The following ARMC8 variants were observed in gnomAD, a reference collection of about 807,000 sequenced individuals.
ARMC8 encodes the protein armadillo repeat-containing protein 8.
ARMC8 carries 20 observed loss-of-function variants against 99.3 expected under a neutral mutation model. That is an observed-to-expected ratio of 0.20 (90% CI 0.14 to 0.29). The LOEUF is 0.29. ARMC8 is among the 10% of genes least tolerant of loss of function. The pLI, the probability that ARMC8 is intolerant of heterozygous loss-of-function variation, is 1.00. For synonymous variants in ARMC8, 263 were observed against 278.3 expected (o/e 0.95, Z 0.55); for missense variants, 569 against 809.5 (o/e 0.70, Z 3.60).
chr3:138,262,438 T>G (rs2047834569), intron 12 of ARMC8: 10 of 1,338,418 alleles, frequency 7.5e-6, no homozygotes, highest in Non-Finnish European at 1.0e-5. Flanking sequence ...CCCTGATCAT[T>G]GTTAATTTCA....
At chr3:138,252,840 A>G (rs1430331346) in intron 12 of ARMC8, among the ~76,000 whole-genome samples, 2 of 148,736 alleles carry the variant, frequency 1.3e-5, no homozygotes, top group Non-Finnish European at 3.0e-5. Context: ...GTACTGGCAT[A>G]TAGAAAGAAA....
chr3:138,197,150 G>C (rs1433514038), intron 1 of ARMC8, among the ~76,000 whole-genome samples: 1 of 152,208 alleles, frequency 6.6e-6, no homozygotes, highest in East Asian at 1.9e-4. Flanking sequence ...GGAATAGACA[G>C]ATTCGAAGTG....
At chr3:138,241,617 CT>C (rs2046628885) in intron 10 of ARMC8, among the ~76,000 whole-genome samples, 165 bp from the exon 11 acceptor site, 1 of 152,106 alleles carries the variant, frequency 6.6e-6, no homozygotes. Context: ...CTGAATTTTG[CT>C]TGTTTTTGCA....
intron 14 of ARMC8, 104 bp downstream of exon 14, chr3:138,264,316 G>T: frequency 1.3e-6 from 1 of 786,022 alleles, no homozygotes; most frequent in Admixed American, 2.4e-5. Flanking sequence ...TGATTTTTGT[G>T]TAGAGCATTT....
At chr3:138,200,022 C>T (rs1368251431) in intron 1 of ARMC8, among the ~76,000 whole-genome samples, 1 of 152,146 alleles carries the variant, frequency 6.6e-6, no homozygotes, top group Non-Finnish European at 1.5e-5. Context: ...TTTGTGGTTT[C>T]CCAACCCTAT....
chr3:138,206,553 G>A (rs75261551), intron 1 of ARMC8, among the ~76,000 whole-genome samples: 2,279 of 152,308 alleles, frequency 0.015, 62 homozygotes, highest in African/African-American at 0.053. Flanking sequence ...TAGGTGCACA[G>A]TCTGCTCCTT....
chr3:138,229,950 G>C (rs2108117482), intron 6 of ARMC8, among the ~76,000 whole-genome samples: 1 of 152,310 alleles, frequency 6.6e-6, no homozygotes. Flanking sequence ...GGTCTATGCT[G>C]TTTTAGAACA....
intron 18 of ARMC8, among the ~76,000 whole-genome samples, chr3:138,283,264 A>G (rs2050112409): frequency 6.6e-6 from 1 of 152,202 alleles, no homozygotes; most frequent in Non-Finnish European, 1.5e-5. Flanking sequence ...CTGCAAGAAA[A>G]CAATCTCCTC....
At chr3:138,236,430 C>T (rs1460284211) in intron 7 of ARMC8, among the ~76,000 whole-genome samples, 3 of 152,190 alleles carry the variant, frequency 2.0e-5, no homozygotes, top group Admixed American at 6.5e-5. Flanking sequence ...ATCTTTTCTG[C>T]ACTAGACTTC....
In ARMC8 at chr3:138,247,483, A is replaced by G. The variant is rs544077817; in HGVS notation, c.1134+2300A>G. ...AACCAACAAAAAGTTTGTTTGTTTCAGGAGAAAAACATGAAATGTTCAGTT... is the reference window on the plus strand; with the variant it reads ...AACCAACAAAAAGTTTGTTTGTTTCGGGAGAAAAACATGAAATGTTCAGTT... On this transcript the variant is annotated intron_variant, in intron 12 of 21. Transcript: ENST00000469044. Among the ~76,000 whole-genome samples, 235 of 152,368 alleles carry G rather than the reference A, an allele frequency of 1.5e-3. 4 individuals are homozygous for G. The highest frequency in any genetic ancestry group is 5.2e-3 in the African/African-American group (218 of 41,600).
intron 15 of ARMC8, among the ~76,000 whole-genome samples, chr3:138,269,571 G>A (rs138678767): frequency 1.8e-3 from 281 of 152,282 alleles, no homozygotes; most frequent in Non-Finnish European, 3.4e-3. Flanking sequence ...AGGATGATTT[G>A]GTTTTCTAAG....
At chr3:138,294,935 G>A (rs1322050366) in intron 21 of ARMC8, among the ~76,000 whole-genome samples, 1 of 142,972 alleles carries the variant, frequency 7.0e-6, no homozygotes, top group Non-Finnish European at 1.5e-5. Flanking sequence ...TTTCACTCTT[G>A]TCGCACAGGC....
intron 6 of ARMC8, among the ~76,000 whole-genome samples, chr3:138,234,129 G>A (rs934090674): frequency 3.3e-5 from 5 of 150,118 alleles, no homozygotes; most frequent in Non-Finnish European, 5.9e-5. Context: ...TTTTTGAGAC[G>A]GAGTCTCGCT....
intron 1 of ARMC8, among the ~76,000 whole-genome samples, chr3:138,196,667 G>A (rs1353524903): frequency 6.6e-6 from 1 of 151,994 alleles, no homozygotes; most frequent in Non-Finnish European, 1.5e-5. Flanking sequence ...TCAGGAGTCT[G>A]AGACCAGCCT....
At chr3:138,213,172 A>G (rs2044805050) in intron 2 of ARMC8, among the ~76,000 whole-genome samples, 1 of 152,206 alleles carries the variant, frequency 6.6e-6, no homozygotes. Context: ...AAAGATGAAT[A>G]ATGATTCTTC....
chr3:138,219,598 ATCCTTTTGATTTTAATTCT>A (rs1416713657), intron 2 of ARMC8, among the ~76,000 whole-genome samples: 1 of 152,190 alleles, frequency 6.6e-6, no homozygotes, highest in Admixed American at 6.5e-5. Context: ...AATCCTGTTA[ATCCTTTTGATTTTAATTCT>A]TCATGGAAGT....
chr3:138,264,709 C>T (rs1026967138), intron 14 of ARMC8, among the ~76,000 whole-genome samples: 16 of 151,686 alleles, frequency 1.1e-4, no homozygotes, highest in Admixed American at 7.2e-4. Flanking sequence ...TGAGCCACTG[C>T]GCCCAGCCAG....
chr3:138,201,783 A>G (rs2044101541), intron 1 of ARMC8, among the ~76,000 whole-genome samples: 1 of 152,112 alleles, frequency 6.6e-6, no homozygotes, highest in Admixed American at 6.6e-5. Flanking sequence ...TTCACCTGGC[A>G]GATTAATATT....
intron 12 of ARMC8, among the ~76,000 whole-genome samples, chr3:138,247,633 G>A (rs1467746423): frequency 6.6e-6 from 1 of 152,200 alleles, no homozygotes; most frequent in African/African-American, 2.4e-5. Flanking sequence ...AATAAGCAAA[G>A]TAGAGACAAT....
Sources: gnomAD v4.1 joint callset for allele counts (sites outside exome capture counted in the v4.1 genomes callset) on GRCh38, gnomAD v4.1.1 for gene constraint, MANE v1.5 for transcripts, NCBI Gene and HGNC (gene_info 2026-07-23, HGNC 2026-07-21) for gene names.